SPOCK1: variants seen among roughly 807,000 people sequenced by gnomAD.
The protein encoded by SPOCK1 is testican-1.
In SPOCK1, 23 loss-of-function variants were observed where a neutral mutation model predicts 55.3. That is an observed-to-expected ratio of 0.42 (90% CI 0.30 to 0.59). The LOEUF (loss-of-function observed/expected upper bound fraction) is 0.59, where lower values mean the gene tolerates loss of function less well. SPOCK1 is among the 20% of genes least tolerant of loss of function. The probability of loss-of-function intolerance (pLI) is 0.22; values close to 1 mark genes in which losing one functional copy is unlikely to be tolerated. For missense variants in SPOCK1, 499 were observed against 552.5 expected (o/e 0.90, Z 0.97); for synonymous variants, 226 against 221.0 (o/e 1.02, Z -0.20).
rs1278593306 is a variant in SPOCK1, at chr5:136,978,671, C to T, written c.1303G>A (p.Val435Ile). ...EDEDDDKEDE[V>I]GYIW ...TGTGGGCACTACCATATGTACCCGA[C>T]CTCATCCTCTTTGTCATCATCCTCA... The change falls in exon 11 of 11, where the codon GTC becomes ATC. Residue 435 changes from valine to isoleucine, a missense_variant. Val to Ile is a conservative substitution (Grantham distance 29, BLOSUM62 3). This residue lies in a region of SPOCK1 where 83 missense variants were observed against 87.5 expected (regional missense o/e 0.95). Coordinates refer to ENST00000394945, the MANE Select transcript of SPOCK1 (RefSeq NM_004598.4). The T allele has an allele frequency of 1.9e-6, 3 of 1,610,662 alleles. No homozygotes were observed. Among genetic ancestry groups the T allele is most frequent in the Admixed American group, 1.7e-5 (1 of 59,400 alleles).
chr5:137,152,239 T>C (rs1754330849), intron 3 of SPOCK1, among the ~76,000 whole-genome samples: 2 of 152,218 alleles, frequency 1.3e-5, no homozygotes, highest in African/African-American at 4.8e-5. Flanking sequence ...TATTCAGTCA[T>C]GACTAAAATA....
At chr5:137,236,703 C>T (rs893179218) in intron 3 of SPOCK1, among the ~76,000 whole-genome samples, 4 of 152,136 alleles carry the variant, frequency 2.6e-5, no homozygotes, top group Non-Finnish European at 5.9e-5. Flanking sequence ...AGAATCAGCT[C>T]ATACAAGTAC....
intron 2 of SPOCK1, among the ~76,000 whole-genome samples, chr5:137,275,491 G>T (rs1757049004): frequency 6.6e-6 from 1 of 152,206 alleles, no homozygotes; most frequent in Non-Finnish European, 1.5e-5. Flanking sequence ...GCCTGGCCCA[G>T]GGCAGGAGGT....
chr5:137,343,217 G>C (rs756255695), intron 2 of SPOCK1, among the ~76,000 whole-genome samples: 1 of 152,250 alleles, frequency 6.6e-6, no homozygotes, highest in Non-Finnish European at 1.5e-5. Flanking sequence ...TGTTCATGCT[G>C]ATGCAGAGAC....
At chr5:137,044,777 A>T (rs988938208) in intron 6 of SPOCK1, among the ~76,000 whole-genome samples, 1 of 144,430 alleles carries the variant, frequency 6.9e-6, no homozygotes, top group African/African-American at 2.6e-5. Context: ...ATATCTCCCA[A>T]TGCTATCCCT....
intron 2 of SPOCK1, among the ~76,000 whole-genome samples, chr5:137,269,953 T>C (rs1756929417): frequency 6.6e-6 from 1 of 152,146 alleles, no homozygotes. Flanking sequence ...AATAAAAACA[T>C]ATTGTATCTA....
At position 136,977,479 on chromosome 5, in the gene SPOCK1, G is replaced by C; in HGVS notation, c.*1175C>G. 4.3e-6 allele frequency: 1 copy of C among 232,792 alleles called. No homozygotes were observed. Among genetic ancestry groups the C allele is most frequent in the East Asian group, 8.0e-5 (1 of 12,578 alleles). The allele number at this position is 232,792 out of a possible 1,614,324, so 14.4% of individuals were successfully genotyped here. A position where few individuals can be genotyped will look rare whatever the true frequency, so the allele number is the denominator to read the frequency against. On this transcript the variant is annotated 3_prime_UTR_variant, in exon 11 of 11. Transcript: ENST00000394945. ...CCTTATCATGATTTGTCAGTAGAAA[G>C]GGAGTAAAAGCAAAACATTGAGTTC...
intron 2 of SPOCK1, among the ~76,000 whole-genome samples, chr5:137,446,694 A>T (rs190046140): frequency 8.5e-4 from 130 of 152,252 alleles, no homozygotes; most frequent in African/African-American, 3.0e-3. Flanking sequence ...ACCATTGTAA[A>T]TTTTTAAGTT....
At chr5:136,998,408 A>G (rs1479729322) in intron 6 of SPOCK1, among the ~76,000 whole-genome samples, 1 of 152,232 alleles carries the variant, frequency 6.6e-6, no homozygotes, top group Non-Finnish European at 1.5e-5. Context: ...TATATTTTAA[A>G]TGAATGAACA....
At chr5:137,419,480 G>A (rs1489920621) in intron 2 of SPOCK1, among the ~76,000 whole-genome samples, 1 of 152,132 alleles carries the variant, frequency 6.6e-6, no homozygotes, top group East Asian at 1.9e-4. Context: ...ATTTCAATGA[G>A]CAGTGGTTTG....
At chr5:137,355,201 T>A (rs1242062625) in intron 2 of SPOCK1, among the ~76,000 whole-genome samples, 2 of 152,002 alleles carry the variant, frequency 1.3e-5, no homozygotes, top group Admixed American at 1.3e-4. Flanking sequence ...GTATCTGGCC[T>A]GTTTTTAAGA....
At chr5:137,404,377 AT>A (rs932084209) in intron 2 of SPOCK1, among the ~76,000 whole-genome samples, 2 of 148,296 alleles carry the variant, frequency 1.3e-5, no homozygotes, top group Non-Finnish European at 3.0e-5. Context: ...GTCATCTTCT[AT>A]TTTTTAAATG....
In SPOCK1 at chr5:136,994,936, C is replaced by T. The variant is rs956106998; in HGVS notation, c.590-2336G>A. 1.1e-4 allele frequency among the ~76,000 whole-genome samples: 16 copies of T among 151,880 alleles called. 1 individual carries two copies. Among genetic ancestry groups the T allele is most frequent in the African/African-American group, 2.7e-4 (11 of 41,338 alleles). On this transcript the variant is annotated intron_variant, in intron 6 of 10. Transcript: ENST00000394945. ...AGGAGAATCGCTTGAACCTGGGAGGCGGAGGTTGCGGTGAGCTGAGATTGT... is the reference window on the plus strand; with the variant it reads ...AGGAGAATCGCTTGAACCTGGGAGGTGGAGGTTGCGGTGAGCTGAGATTGT...
In SPOCK1 at chr5:137,140,700, G is replaced by A. The variant is rs774903729; in HGVS notation, c.233-6C>T. On this transcript the variant is annotated splice_region_variant and splice_polypyrimidine_tract_variant and intron_variant, in intron 3 of 10. Transcript: ENST00000394945. ...GTCCTTGGATGGGTCCAGGGCTGAGGCAAAAACAAGAAGGAGGGCAGGGTT... is the reference window on the plus strand; with the variant it reads ...GTCCTTGGATGGGTCCAGGGCTGAGACAAAAACAAGAAGGAGGGCAGGGTT... The A allele has an allele frequency of 1.9e-6, 3 of 1,560,298 alleles. No individual in the cohort carries two copies. The highest frequency in any genetic ancestry group is 2.6e-6 in the Non-Finnish European group (3 of 1,153,476).
chr5:137,406,609 T>C (rs1283285160), intron 2 of SPOCK1, among the ~76,000 whole-genome samples: 1 of 152,224 alleles, frequency 6.6e-6, no homozygotes, highest in Non-Finnish European at 1.5e-5. Context: ...AGAAGAATAC[T>C]GACTACATGC....
At chr5:137,014,992 A>G (rs1279298031) in intron 6 of SPOCK1, among the ~76,000 whole-genome samples, 1 of 152,196 alleles carries the variant, frequency 6.6e-6, no homozygotes, top group African/African-American at 2.4e-5. Context: ...TGTGAAATTA[A>G]GCTGGAGCTA....
chr5:137,321,841 G>T (rs1240486516), intron 2 of SPOCK1, among the ~76,000 whole-genome samples: 2 of 151,786 alleles, frequency 1.3e-5, no homozygotes, highest in Non-Finnish European at 2.9e-5. Flanking sequence ...TCATGCCCTA[G>T]CCTGGGCAAC....
chr5:137,071,817 C>T (rs1240298814), intron 5 of SPOCK1, among the ~76,000 whole-genome samples: 1 of 152,164 alleles, frequency 6.6e-6, no homozygotes, highest in Non-Finnish European at 1.5e-5. Context: ...CCCTCATCCT[C>T]CCTCCTCCCT....
At chr5:137,302,249 T>G (rs1161299629) in intron 2 of SPOCK1, among the ~76,000 whole-genome samples, 3 of 152,134 alleles carry the variant, frequency 2.0e-5, no homozygotes, top group Admixed American at 6.5e-5. Flanking sequence ...TTGCTTTACA[T>G]GAGGAATTAA....
Sources: allele counts gnomAD v4.1 joint callset (sites outside exome capture counted in the v4.1 genomes callset), GRCh38; gene constraint gnomAD v4.1.1; regional missense constraint gnomAD v4.1.1; transcripts MANE v1.5; gene names NCBI Gene and HGNC (gene_info 2026-07-23, HGNC 2026-07-21).